The following CNTNAP2 variants were observed in gnomAD, a reference collection of about 807,000 sequenced individuals.
CNTNAP2 encodes contactin associated protein 2, also known as contactin-associated protein-like 2.
Under a neutral mutation model 155.2 loss-of-function variants are expected in CNTNAP2, and 98 were observed. The ratio of observed to expected loss-of-function variants is 0.63; its 90% CI spans 0.54 to 0.75. The LOEUF (loss-of-function observed/expected upper bound fraction) is 0.75. Among genes scored for constraint, CNTNAP2 ranks in the 30% least tolerant of loss-of-function variants. CNTNAP2 has a pLI of 0.00. For missense variants in CNTNAP2, 1,727 were observed against 1,688.1 expected, an observed-to-expected ratio of 1.02 and a Z score of -0.40; for synonymous variants, 651 against 631.2, an observed-to-expected ratio of 1.03 and a Z score of -0.47.
At chr7:147,683,673 C>T (rs1795979556) in intron 13 of CNTNAP2, among the ~76,000 whole-genome samples, 1 of 149,204 alleles carries the variant, frequency 6.7e-6, no homozygotes, top group Admixed American at 6.7e-5. Flanking sequence ...ACATATGGCA[C>T]ATGCATTATA....
In CNTNAP2 at chr7:147,187,024, G is replaced by A. The variant is rs1328791763; in HGVS notation, c.1348+54515G>A. ...ACATTTCCATTCTAACAAATGCTCA[G>A]GTGGAAATCACTTTGAAAAGCAAAG... On this transcript the variant is annotated intron_variant, in intron 8 of 23. Transcript: ENST00000361727. Among the ~76,000 whole-genome samples, 2 of 149,912 alleles carry A rather than the reference G, an allele frequency of 1.3e-5. 1 individual carries two copies. Among genetic ancestry groups the A allele is most frequent in the Non-Finnish European group, 3.0e-5 (2 of 67,042 alleles).
intron 1 of CNTNAP2, among the ~76,000 whole-genome samples, chr7:146,532,344 T>C (rs801939): frequency 0.45 from 67,977 of 151,982 alleles, 17,236 homozygotes; most frequent in African/African-American, 0.7. Context: ...TATGGAAAAG[T>C]GTGTTGATGG....
chr7:148,039,582 A>G (rs1802631367), intron 15 of CNTNAP2, among the ~76,000 whole-genome samples: 1 of 152,204 alleles, frequency 6.6e-6, no homozygotes, highest in Non-Finnish European at 1.5e-5. Context: ...GTGGTCAGTC[A>G]ATGGCAGGAC....
At position 146,149,317 on chromosome 7, in the gene CNTNAP2, T is replaced by C. The variant is rs1477665196; in HGVS notation, c.97+32344T>C. Among the ~76,000 whole-genome samples, 6 of 152,272 alleles carry C rather than the reference T, an allele frequency of 3.9e-5. No homozygotes were observed. In the South Asian group the frequency reaches 1.0e-3, roughly 26 times the overall value. The stretch of plus-strand genomic sequence containing the variant: ...CTTTTAAAAACATAAAAAGATTTCC[T>C]GTATGATAGGATTCAAATTCATATT... On this transcript the variant is annotated intron_variant, in intron 1 of 23. Transcript: ENST00000361727.
At chr7:147,088,961 G>A (rs1450181868) in intron 4 of CNTNAP2, among the ~76,000 whole-genome samples, 2 of 151,420 alleles carry the variant, frequency 1.3e-5, no homozygotes, top group African/African-American at 2.4e-5. Flanking sequence ...ATAAATGAAA[G>A]AAGAAAGAAA....
chr7:147,895,848 T>G (rs1799766948), intron 13 of CNTNAP2, among the ~76,000 whole-genome samples: 1 of 152,264 alleles, frequency 6.6e-6, no homozygotes, highest in Non-Finnish European at 1.5e-5. Context: ...TAATTTATTT[T>G]AGTTACAGTG....
Position 146,973,734 on chromosome 7 carries a change from A to G in CNTNAP2, c.403-70173A>G, listed in dbSNP as rs576829840. 7.9e-5 allele frequency among the ~76,000 whole-genome samples: 12 copies of G among 152,348 alleles called. No homozygotes were observed. In the South Asian group the frequency reaches 1.0e-3, roughly 13 times the overall value. ...TTAATATGAATGGCAGCCTGTCATC[A>G]TAAACATGGTTAGTAAATTTCCTGG... On this transcript the variant is annotated intron_variant, in intron 3 of 23. Coordinates refer to ENST00000361727, the MANE Select transcript of CNTNAP2 (RefSeq NM_014141.6).
At chr7:146,748,019 A>G (rs187340517) in intron 1 of CNTNAP2, among the ~76,000 whole-genome samples, 3,462 of 132,840 alleles carry the variant, frequency 0.026, 54 homozygotes, top group Non-Finnish European at 0.036. Context: ...TCCTTTTTTT[A>G]AAAATTTTTA....
At chr7:148,265,213 C>G (rs931093223) in intron 20 of CNTNAP2, among the ~76,000 whole-genome samples, 2 of 152,226 alleles carry the variant, frequency 1.3e-5, no homozygotes, top group Admixed American at 6.5e-5. Flanking sequence ...GCTTTTGCTC[C>G]AAAGAAACAT....
intron 8 of CNTNAP2, among the ~76,000 whole-genome samples, chr7:147,249,603 G>GAAAAAAAAAAAAAAAAAAAAAAAA (rs1563133155): frequency 4.1e-5 from 1 of 24,352 alleles, no homozygotes; most frequent in East Asian, 2.2e-3. Context: ...GACATTGGAG[G>GAAAAAAAAAAAAAAAAAAAAAAAA]TAAAAAAAAA....
chr7:146,914,713 A>C (rs1405098730), intron 3 of CNTNAP2, among the ~76,000 whole-genome samples: 8 of 152,038 alleles, frequency 5.3e-5, no homozygotes, highest in Non-Finnish European at 7.4e-5. Flanking sequence ...TGTCTGATTT[A>C]TAGATTATAA....
intron 8 of CNTNAP2, among the ~76,000 whole-genome samples, chr7:147,196,952 A>G (rs569561654): frequency 1.3e-5 from 2 of 152,124 alleles, no homozygotes; most frequent in African/African-American, 2.4e-5. Context: ...GTCTGGAGGC[A>G]GGGAACCTAA....
At chr7:148,407,391 C>G (rs1799726474) in intron 22 of CNTNAP2, among the ~76,000 whole-genome samples, 1 of 152,076 alleles carries the variant, frequency 6.6e-6, no homozygotes, top group Non-Finnish European at 1.5e-5. Context: ...ATTTCCCTGC[C>G]TAGCTAACTG....
At chr7:148,290,475 C>T (rs796354250) in intron 21 of CNTNAP2, among the ~76,000 whole-genome samples, 4 of 152,242 alleles carry the variant, frequency 2.6e-5, no homozygotes, top group African/African-American at 9.6e-5. Flanking sequence ...TTGAAAGCTG[C>T]CTTTGTTTTG....
intron 18 of CNTNAP2, among the ~76,000 whole-genome samples, chr7:148,209,294 C>T (rs1045879657): frequency 8.3e-6 from 1 of 121,166 alleles, no homozygotes; most frequent in South Asian, 2.8e-4. Context: ...TTTTTCTTTT[C>T]TTCCTTTTTT....
rs184706579 is a variant in CNTNAP2 at position 147,598,601 on chromosome 7, A to G, written c.1897+36344A>G. ...CATTTGTAAGCCTCTGAAATGTCTG[A>G]GATTATGATTATCAGTGCATAAGCC... is the stretch of plus-strand genomic sequence containing the variant. On this transcript the variant is annotated intron_variant, in intron 12 of 23. Transcript: ENST00000361727. 2.1e-3 allele frequency among the ~76,000 whole-genome samples: 323 copies of G among 152,146 alleles called. 3 individuals are homozygous for G. Among genetic ancestry groups the G allele is most frequent in the Admixed American group, 0.018 (278 of 15,282 alleles).
chr7:146,957,217 G>A (rs1233004111), intron 3 of CNTNAP2, among the ~76,000 whole-genome samples: 1 of 152,140 alleles, frequency 6.6e-6, no homozygotes, highest in African/African-American at 2.4e-5. Context: ...AATACTGTGG[G>A]TAAATGTAAC....
intron 15 of CNTNAP2, among the ~76,000 whole-genome samples, chr7:148,035,071 T>A (rs1802547753): frequency 6.6e-6 from 1 of 152,182 alleles, no homozygotes; most frequent in South Asian, 2.1e-4. Flanking sequence ...AGGAGTTGCA[T>A]GGTTACTTTT....
intron 20 of CNTNAP2, among the ~76,000 whole-genome samples, chr7:148,241,908 TA>T (rs1286995355): frequency 6.6e-6 from 1 of 152,234 alleles, no homozygotes; most frequent in Non-Finnish European, 1.5e-5. Context: ...TACTTCGTTT[TA>T]CATTTCATGC....
Sources: gnomAD v4.1 joint callset for allele counts (sites outside exome capture counted in the v4.1 genomes callset) on GRCh38, gnomAD v4.1.1 for gene constraint, MANE v1.5 for transcripts, NCBI Gene and HGNC (gene_info 2026-07-23, HGNC 2026-07-21) for gene names.